The following CPE variants were observed in gnomAD, a reference collection of about 807,000 sequenced individuals.
CPE encodes the protein carboxypeptidase E.
CPE carries 17 observed loss-of-function variants against 53.5 expected under a neutral mutation model. The ratio of observed to expected loss-of-function variants is 0.32; its 90% CI spans 0.22 to 0.48. CPE has a LOEUF of 0.48. Ranked by LOEUF, CPE falls within the 20% of genes least tolerant of loss-of-function variation. The pLI, the probability that CPE is intolerant of heterozygous loss-of-function variation, is 0.99. For missense variants in CPE, 524 were observed against 614.7 expected (o/e 0.85, Z 1.56); for synonymous variants, 226 against 228.8 (o/e 0.99, Z 0.11).
intron 4 of CPE, 53 bp from the exon 5 acceptor site, chr4:165,484,369 C>A (rs1047941468): frequency 1.3e-6 from 2 of 1,509,440 alleles, no homozygotes; most frequent in African/African-American, 1.4e-5. Flanking sequence ...AGAAAACATG[C>A]TGTGCTGCTT....
At chr4:165,488,189 A>G (rs918904302) in intron 6 of CPE, among the ~76,000 whole-genome samples, 3 of 152,196 alleles carry the variant, frequency 2.0e-5, no homozygotes, top group African/African-American at 7.2e-5. Flanking sequence ...TATCATCATC[A>G]TCATTATAAT....
intron 1 of CPE, among the ~76,000 whole-genome samples, chr4:165,451,025 G>C (rs1038046073): frequency 7.2e-5 from 11 of 152,182 alleles, no homozygotes; most frequent in South Asian, 2.1e-4. Context: ...AGGATAGCAT[G>C]GTCCACTGAC....
chr4:165,473,294 T>C (rs965670861), intron 3 of CPE, among the ~76,000 whole-genome samples: 1 of 151,060 alleles, frequency 6.6e-6, no homozygotes, highest in East Asian at 2.0e-4. Flanking sequence ...CTTTCTCATA[T>C]AAAACTTCTG....
intron 1 of CPE, among the ~76,000 whole-genome samples, chr4:165,418,782 G>T (rs1188718942): frequency 1.3e-5 from 2 of 152,064 alleles, no homozygotes; most frequent in Non-Finnish European, 2.9e-5. Flanking sequence ...TTTTCCATTA[G>T]AGAGTTTTTT....
chr4:165,380,253 C>A (rs1410744467), intron 1 of CPE, among the ~76,000 whole-genome samples: 1 of 152,176 alleles, frequency 6.6e-6, no homozygotes, highest in Non-Finnish European at 1.5e-5. Flanking sequence ...TTTGAAACTG[C>A]ACAAGGCCTT....
At chr4:165,382,911 A>G (rs1730525813) in intron 1 of CPE, among the ~76,000 whole-genome samples, 1 of 152,232 alleles carries the variant, frequency 6.6e-6, no homozygotes, top group African/African-American at 2.4e-5. Flanking sequence ...AGCCAAACCT[A>G]TTCTGTGATG....
chr4:165,426,212 CAAG>C (rs1731315840), intron 1 of CPE, among the ~76,000 whole-genome samples: 1 of 152,152 alleles, frequency 6.6e-6, no homozygotes, highest in African/African-American at 2.4e-5. Context: ...GGATATGAAG[CAAG>C]CTTTATTTCT....
At chr4:165,380,827 G>C (rs1336264791) in intron 1 of CPE, among the ~76,000 whole-genome samples, 1 of 152,158 alleles carries the variant, frequency 6.6e-6, no homozygotes, top group Non-Finnish European at 1.5e-5. Context: ...TCTAAGATCA[G>C]ATCCTAGAAA....
intron 1 of CPE, among the ~76,000 whole-genome samples, chr4:165,460,717 A>G (rs1579272043): frequency 1.3e-5 from 2 of 152,182 alleles, no homozygotes; most frequent in Admixed American, 1.3e-4. Context: ...GAAAAGCAAG[A>G]CCATTCATTT....
intron 1 of CPE, among the ~76,000 whole-genome samples, chr4:165,432,422 A>G (rs1374513367): frequency 6.6e-6 from 1 of 151,972 alleles, no homozygotes; most frequent in African/African-American, 2.4e-5. Context: ...CAGCCTCCCC[A>G]TTAGCTGGGA....
At chr4:165,476,433 G>A (rs755669619) in intron 3 of CPE, among the ~76,000 whole-genome samples, 34 of 151,780 alleles carry the variant, frequency 2.2e-4, no homozygotes, top group Admixed American at 2.2e-3. Flanking sequence ...TGAGGCGTTC[G>A]TCCCTTACCA....
intron 6 of CPE, among the ~76,000 whole-genome samples, chr4:165,489,438 C>T (rs17046536): frequency 0.022 from 3,292 of 152,162 alleles, 119 homozygotes; most frequent in African/African-American, 0.07. Flanking sequence ...AGGCTTCACA[C>T]GAGTGCTGTC....
intron 1 of CPE, among the ~76,000 whole-genome samples, chr4:165,452,318 T>C (rs1731826955): frequency 6.6e-6 from 1 of 152,188 alleles, no homozygotes; most frequent in African/African-American, 2.4e-5. Context: ...AAAGAAAAGA[T>C]AAATGTTTGA....
chr4:165,411,286 G>A (rs1731038783), intron 1 of CPE, among the ~76,000 whole-genome samples: 1 of 152,056 alleles, frequency 6.6e-6, no homozygotes, highest in African/African-American at 2.4e-5. Context: ...ATTGACTTTT[G>A]GTCAAACTAA....
At chr4:165,399,447 C>A (rs1016586991) in intron 1 of CPE, among the ~76,000 whole-genome samples, 3 of 152,160 alleles carry the variant, frequency 2.0e-5, no homozygotes, top group Admixed American at 2.0e-4. Flanking sequence ...TCACTGCAAC[C>A]TCCACCTCCC....
At chr4:165,381,244 T>C (rs1420533392) in intron 1 of CPE, 2 of 456,132 alleles carry the variant, frequency 4.4e-6, no homozygotes, top group African/African-American at 4.0e-5. Flanking sequence ...GTATCTGGAA[T>C]ATATAGTTCA....
chr4:165,476,794 A>G (rs149750913), intron 3 of CPE, among the ~76,000 whole-genome samples: 1 of 152,268 alleles, frequency 6.6e-6, no homozygotes, highest in East Asian at 1.9e-4. Context: ...GCAGAACCTG[A>G]TAAGTGAGTG....
chr4:165,471,493 G>T (rs907704175), intron 3 of CPE, among the ~76,000 whole-genome samples: 9 of 152,118 alleles, frequency 5.9e-5, no homozygotes, highest in Admixed American at 2.6e-4. Context: ...ATAAGCATTA[G>T]TCCTATCATA....
intron 1 of CPE, among the ~76,000 whole-genome samples, chr4:165,406,702 A>G (rs1230617748): frequency 6.6e-6 from 1 of 152,192 alleles, no homozygotes; most frequent in African/African-American, 2.4e-5. Context: ...TAGAACATTT[A>G]TATCATCACC....
Sources: allele counts gnomAD v4.1 joint callset (sites outside exome capture counted in the v4.1 genomes callset), GRCh38; gene constraint gnomAD v4.1.1; transcripts MANE v1.5; gene names NCBI Gene and HGNC (gene_info 2026-07-23, HGNC 2026-07-21).